The following RNF24 variants were observed in gnomAD, a reference collection of about 807,000 sequenced individuals.
The protein encoded by RNF24 is ring finger protein 24.
A neutral mutation model predicts 20.0 loss-of-function variants in RNF24; 14 were observed. The ratio of observed to expected loss-of-function variants is 0.70; its 90% CI spans 0.46 to 1.10. RNF24 has a LOEUF of 1.10. Among genes scored for constraint, RNF24 ranks in the 50% least tolerant of loss-of-function variants. The pLI is 0.00. For missense variants in RNF24, 124 were observed against 177.6 expected (o/e 0.70, Z 1.71); for synonymous variants, 45 against 61.1 (o/e 0.74, Z 1.23).
chr20:3,963,189 T>C lies in RNF24; in HGVS notation c.143+686A>G, dbSNP rs2091221504. Among the ~76,000 whole-genome samples, 4 of 152,006 alleles carry C rather than the reference T, an allele frequency of 2.6e-5. No homozygotes were observed. In the South Asian group the frequency reaches 6.2e-4, roughly 24 times the overall value. On this transcript the variant is annotated intron_variant, in intron 2 of 5. Coordinates refer to ENST00000358395, the MANE Select transcript of RNF24 (RefSeq NM_001134337.3). The stretch of plus-strand genomic sequence containing the variant: ...TGAGATATAAGGAGCATCCCCTATG[T>C]TTCTTTATTATTTTATTTTTTGAGA...
At chr20:4,006,738 C>T (rs986603976) in intron 1 of RNF24, among the ~76,000 whole-genome samples, 1 of 152,230 alleles carries the variant, frequency 6.6e-6, no homozygotes, top group African/African-American at 2.4e-5. Context: ...CCCTGGGGTA[C>T]TATGGAGGGC....
At chr20:3,947,192 CA>C (rs2091029591) in intron 3 of RNF24, among the ~76,000 whole-genome samples, 1 of 152,064 alleles carries the variant, frequency 6.6e-6, no homozygotes, top group Non-Finnish European at 1.5e-5. Context: ...GACTCCGTCT[CA>C]AAAACAAACA....
At chr20:4,008,299 A>C (rs1193911487) in intron 1 of RNF24, among the ~76,000 whole-genome samples, 2 of 126,152 alleles carry the variant, frequency 1.6e-5, no homozygotes, top group African/African-American at 6.1e-5. Flanking sequence ...TCCAGGTGCA[A>C]GACTGCAAAT....
chr20:3,983,950 A>C (rs1188576509), intron 1 of RNF24, among the ~76,000 whole-genome samples: 1 of 149,274 alleles, frequency 6.7e-6, no homozygotes, highest in Non-Finnish European at 1.5e-5. Context: ...CAAAAAAAAA[A>C]AAAAAAAAAA....
At chr20:4,003,632 CCTTTTTTTTT>C (rs1312481890) in intron 1 of RNF24, among the ~76,000 whole-genome samples, 2 of 78,068 alleles carry the variant, frequency 2.6e-5, no homozygotes, top group African/African-American at 8.4e-5. Flanking sequence ...GTTAGAAACT[CCTTTTTTTTT>C]TTTTTTTTTT....
At chr20:4,011,622 G>T (rs922070732) in intron 1 of RNF24, among the ~76,000 whole-genome samples, 13 of 152,200 alleles carry the variant, frequency 8.5e-5, no homozygotes, top group African/African-American at 2.9e-4. Flanking sequence ...GAGTTTGAAT[G>T]AATTAGTGAC....
At chr20:3,996,609 T>C (rs1476298804) in intron 1 of RNF24, among the ~76,000 whole-genome samples, 1 of 152,200 alleles carries the variant, frequency 6.6e-6, no homozygotes, top group Non-Finnish European at 1.5e-5. Context: ...AATTTTTGGT[T>C]GGGCATGTGA....
At chr20:3,944,171 T>C (rs1017834565) in intron 4 of RNF24, among the ~76,000 whole-genome samples, 2 of 148,880 alleles carry the variant, frequency 1.3e-5, no homozygotes, top group Non-Finnish European at 3.0e-5. Context: ...GATTGCACCA[T>C]TGCACTCCAG....
intron 1 of RNF24, among the ~76,000 whole-genome samples, chr20:3,981,672 A>AT (rs1373131454): frequency 6.6e-6 from 1 of 152,026 alleles, no homozygotes; most frequent in African/African-American, 2.4e-5. Flanking sequence ...TGCCCAGCTA[A>AT]TTTTTTAATA....
intron 1 of RNF24, among the ~76,000 whole-genome samples, chr20:3,978,356 G>C (rs1425723383): frequency 6.8e-6 from 1 of 148,064 alleles, no homozygotes; most frequent in South Asian, 2.2e-4. Flanking sequence ...AATTTTAAAA[G>C]TAAAAAAAAA....
At chr20:3,955,519 T>G (rs1382617406) in intron 2 of RNF24, among the ~76,000 whole-genome samples, 1 of 152,190 alleles carries the variant, frequency 6.6e-6, no homozygotes, top group African/African-American at 2.4e-5. Context: ...GTACCACAAT[T>G]TTTTGATTAC....
In RNF24 at chr20:3,932,743, G is replaced by A. The variant is rs1358826186; in HGVS notation, c.*1320C>T. 2.3e-5 allele frequency: 9 copies of A among 396,030 alleles called. No homozygotes were observed. Among genetic ancestry groups the A allele is most frequent in the African/African-American group, 1.0e-4 (5 of 48,590 alleles). The allele number at this position is 396,030 out of a possible 1,614,324, so 24.5% of individuals were successfully genotyped here. A position where few individuals can be genotyped will look rare whatever the true frequency, so the allele number is the denominator to read the frequency against. On this transcript the variant is annotated 3_prime_UTR_variant, in exon 6 of 6. Transcript: ENST00000358395. The stretch of plus-strand genomic sequence containing the variant: ...AGGCGCTCCTAAGATGGAGGGAGGC[G>A]GAGAGCAGGGCTGTGGAAAAGAATT...
Position 3,929,513 on chromosome 20 carries a change from A to G in RNF24, c.*4550T>C, listed in dbSNP as rs2090788565. 6.6e-6 allele frequency: 1 copy of G among 152,362 alleles called. No individual in the cohort carries two copies. The highest frequency in any genetic ancestry group is 1.5e-5 in the Non-Finnish European group (1 of 68,120). 9.4% of individuals were successfully genotyped at this position (152,362 alleles called of 1,614,324 possible). ...TCAGTAGCTAAGATGTCTGCCCCAC[A>G]AAATAGAAGCCTTCAGTTGCTGCTG... On this transcript the variant is annotated 3_prime_UTR_variant, in exon 6 of 6. Transcript: ENST00000358395.
In RNF24 at chr20:3,931,363, A is replaced by T. The variant is rs1457052083; in HGVS notation, c.*2700T>A. On this transcript the variant is annotated 3_prime_UTR_variant, in exon 6 of 6. Coordinates refer to ENST00000358395, the MANE Select transcript of RNF24 (RefSeq NM_001134337.3). ...ATGGGGTTCGAGTCTGAGCCAAGAG[A>T]GTTATAAAGGGGTCCCTAACTCATT... is the stretch of plus-strand genomic sequence containing the variant. 1.3e-5 allele frequency: 2 copies of T among 152,282 alleles called. No homozygotes were observed. The highest frequency in any genetic ancestry group is 3.9e-4 in the East Asian group (2 of 5,180). 9.4% of individuals were successfully genotyped at this position (152,282 alleles called of 1,614,324 possible).
At chr20:4,005,050 A>G (rs1375665497) in intron 1 of RNF24, among the ~76,000 whole-genome samples, 1 of 152,214 alleles carries the variant, frequency 6.6e-6, no homozygotes, top group Non-Finnish European at 1.5e-5. Context: ...CTGAATAGTA[A>G]AGAGACTGTA....
At chr20:3,948,191 T>TG (rs770834989) in intron 3 of RNF24, 46 bp downstream of exon 3, 22 of 1,421,974 alleles carry the variant, frequency 1.5e-5, no homozygotes, top group East Asian at 2.3e-5. Context: ...CTCAGTTTTT[T>TG]GGGGGGAAAA....
intron 2 of RNF24, among the ~76,000 whole-genome samples, chr20:3,956,883 G>A (rs1051168504): frequency 3.9e-5 from 6 of 152,126 alleles, no homozygotes; most frequent in East Asian, 1.9e-4. Flanking sequence ...AAAATGGACC[G>A]GGCATGGTGG....
chr20:3,975,755 C>T (rs55794220), intron 1 of RNF24, among the ~76,000 whole-genome samples: 18,696 of 152,010 alleles, frequency 0.12, 1,409 homozygotes, highest in Non-Finnish European at 0.17. Flanking sequence ...GAGAGAGATA[C>T]AGGAGGAGAG....
intron 2 of RNF24, 123 bp downstream of exon 2, chr20:3,963,752 C>A (rs2091227991): frequency 1.5e-6 from 1 of 679,316 alleles, no homozygotes; most frequent in Non-Finnish European, 2.4e-6. Flanking sequence ...AAACGGTAAG[C>A]CATCTTAATT....
Sources: gnomAD v4.1 joint callset for allele counts (sites outside exome capture counted in the v4.1 genomes callset) on GRCh38, gnomAD v4.1.1 for gene constraint, MANE v1.5 for transcripts, NCBI Gene and HGNC (gene_info 2026-07-23, HGNC 2026-07-21) for gene names.